The following LACTBL1 variants were observed in gnomAD, a reference collection of about 807,000 sequenced individuals.
LACTBL1 encodes lactamase beta like 1, also known as beta-lactamase-like protein 1.
Under a neutral mutation model 39.6 loss-of-function variants are expected in LACTBL1, and 29 were observed. That is an observed-to-expected ratio of 0.73 (90% confidence interval 0.55 to 1.00). LACTBL1 has a LOEUF of 1.00. LACTBL1 is among the 50% of genes least tolerant of loss of function. The pLI is 0.00. For missense variants in LACTBL1, 711 were observed against 748.5 expected (o/e 0.95, Z 0.59); for synonymous variants, 361 against 360.7 (o/e 1.00, Z -0.01).
the LACTBL1 span, among the ~76,000 whole-genome samples, chr1:22,971,619 G>A: frequency 2.0e-5 from 3 of 152,126 alleles, no homozygotes; most frequent in African/African-American, 7.2e-5. Flanking sequence ...TATTCATTCA[G>A]AAAACAATCC....
At chr1:22,955,349 C>A (rs1006940617) in exon 5 of LACTBL1, 25 of 1,550,446 alleles carry the variant, frequency 1.6e-5, no homozygotes, top group Admixed American at 5.9e-5. Flanking sequence ...ACCAGCACAT[C>A]GTCCTTGAGC....
At chr1:22,962,341 C>T (rs1640830854) in intron 2 of LACTBL1, among the ~76,000 whole-genome samples, 1 of 152,104 alleles carries the variant, frequency 6.6e-6, no homozygotes, top group Non-Finnish European at 1.5e-5. Context: ...AACTATTCCT[C>T]GGATGATAGT....
At chr1:22,971,255 C>A in the LACTBL1 span, among the ~76,000 whole-genome samples, 2 of 152,206 alleles carry the variant, frequency 1.3e-5, no homozygotes, top group Non-Finnish European at 2.9e-5. Flanking sequence ...GATCTCTACA[C>A]CCCCAATTTG....
chr1:22,953,333 G>A (rs1640724224), exon 6 of LACTBL1: 1 of 1,225,206 alleles, frequency 8.2e-7, no homozygotes. Context: ...CGCAGGCGCA[G>A]CTCGCCCGCC....
At position 22,956,416 on chromosome 1, in the gene LACTBL1, C is replaced by A. The variant is rs554763859; in HGVS notation, c.554-990G>T. Among the ~76,000 whole-genome samples the A allele has an allele frequency of 5.3e-5, 8 of 152,082 alleles. No individual in the cohort carries two copies. In the South Asian group the frequency reaches 1.7e-3, roughly 32 times the overall value. On this transcript the variant is annotated intron_variant, in intron 4 of 5. Transcript: ENST00000426928. ...GAAAGAGGAGGAGGAGGAAGGAGCC[C>A]CAGTTCTGTGTGTGGGAGTGACACC... is the stretch of plus-strand genomic sequence containing the variant.
At chr1:22,966,395 C>G (rs1287297314), upstream of LACTBL1, among the ~76,000 whole-genome samples, 1 of 152,234 alleles carries the variant, frequency 6.6e-6, no homozygotes, top group Non-Finnish European at 1.5e-5. Flanking sequence ...AAAGGCACAT[C>G]TTCCACTTCT....
chr1:22,969,315 T>G (rs1318844277), upstream of LACTBL1, among the ~76,000 whole-genome samples: 1 of 152,154 alleles, frequency 6.6e-6, no homozygotes, highest in East Asian at 1.9e-4. Context: ...TAATCAATAG[T>G]CCAGCACTAT....
chr1:22,955,323 G>A, exon 5 of LACTBL1: 1 of 1,550,146 alleles, frequency 6.5e-7, no homozygotes. Flanking sequence ...CTCCTCACCT[G>A]GTTCCCGGGT....
chr1:22,965,268 T>C, intron 1 of LACTBL1, 22 bp downstream of exon 3: 2 of 1,311,300 alleles, frequency 1.5e-6, no homozygotes, highest in South Asian at 2.5e-5. Context: ...GGGGAGGAAC[T>C]CAAGGCTGTC....
chr1:22,954,136 C>T, intron 5 of LACTBL1, 112 bp from the exon 8 acceptor site: 1 of 1,441,032 alleles, frequency 6.9e-7, no homozygotes, highest in Non-Finnish European at 9.1e-7. Flanking sequence ...ACCTGCTCCC[C>T]TGCATCCCAG....
exon 6 of LACTBL1, chr1:22,953,364 G>A (rs1355745640): frequency 3.3e-6 from 4 of 1,228,298 alleles, no homozygotes; most frequent in Non-Finnish European, 4.1e-6. Context: ...GCACCTCGTA[G>A]AAGGTCAGGT....
exon 6 of LACTBL1, chr1:22,953,498 C>T (rs1640728045): frequency 4.1e-6 from 5 of 1,232,026 alleles, no homozygotes. Flanking sequence ...GCCACCAGGT[C>T]GGGCCCGGGC....
At chr1:22,972,217 C>T in the LACTBL1 span, 1 of 745,858 alleles carries the variant, frequency 1.3e-6, no homozygotes, top group Non-Finnish European at 1.6e-6. Flanking sequence ...GGATTTAGCC[C>T]AATATTTGAA....
At chr1:22,968,107 G>T (rs116577311), upstream of LACTBL1, among the ~76,000 whole-genome samples, 1,909 of 151,810 alleles carry the variant, frequency 0.013, 17 homozygotes, top group Non-Finnish European at 0.018. Flanking sequence ...TGTTTTTTTT[G>T]AACGTAAATA....
At chr1:22,953,804 G>A in exon 6 of LACTBL1, 1 of 1,545,724 alleles carries the variant, frequency 6.5e-7, no homozygotes, top group Non-Finnish European at 8.7e-7. Flanking sequence ...TGGCCCGACG[G>A]CCGGTACCAG....
At position 22,953,389 on chromosome 1, in the gene LACTBL1, T is replaced by A. The variant is rs570848600; in HGVS notation, c.1295A>T (p.Tyr432Phe). 5.0e-4 allele frequency: 616 copies of A among 1,227,988 alleles called. 3 individuals carry two copies. The African/African-American group carries it at 8.8e-3, about 18-fold the overall frequency. 76.1% of individuals were successfully genotyped at this position (1,227,988 alleles called of 1,614,324 possible). Reference sequence around the variant, plus strand: ...GAAGGTCAGGTTGGCGAAGGTGAAGTAGCCGGCGAAGGGGTGCGCGGTGGG... The same window carrying A: ...GAAGGTCAGGTTGGCGAAGGTGAAGAAGCCGGCGAAGGGGTGCGCGGTGGG... The change falls in exon 6 of 6, where the codon TAC becomes TTC. Residue 432 changes from tyrosine to phenylalanine, a missense_variant. By Grantham distance (22) the Tyr-to-Phe change is conservative (BLOSUM62 3). Coordinates refer to ENST00000426928, the Ensembl canonical transcript of LACTBL1.
exon 2 of LACTBL1, chr1:22,963,131 G>A (rs890105136): frequency 1.2e-5 from 15 of 1,287,272 alleles, no homozygotes; most frequent in African/African-American, 9.3e-5. Flanking sequence ...CCTTCAACAC[G>A]GGGAGTGGGT....
chr1:22,953,404 T>C (rs2124220644), exon 6 of LACTBL1: 1 of 1,227,716 alleles, frequency 8.1e-7, no homozygotes, highest in Non-Finnish European at 1.0e-6. Flanking sequence ...GGCGAAGGGG[T>C]GCGCGGTGGG....
chr1:22,957,192 T>C (rs890246401), intron 4 of LACTBL1, among the ~76,000 whole-genome samples: 4 of 152,202 alleles, frequency 2.6e-5, no homozygotes, highest in Admixed American at 2.6e-4. Flanking sequence ...AGAACATGAT[T>C]ATCCTTTTTT....
Sources: allele counts gnomAD v4.1 joint callset (sites outside exome capture counted in the v4.1 genomes callset), GRCh38; gene constraint gnomAD v4.1.1; transcripts MANE v1.5; gene names NCBI Gene and HGNC (gene_info 2026-07-23, HGNC 2026-07-21).